Variants in TBCD observed in about 807,000 individuals in gnomAD.
TBCD encodes tubulin folding cofactor D, also known as tubulin-specific chaperone D.
In TBCD, 105 loss-of-function variants were observed where a neutral mutation model predicts 169.3. The observed-to-expected ratio is 0.62, with a 90% CI of 0.53 to 0.73. The LOEUF is 0.73. Among genes scored for constraint, TBCD ranks in the 30% least tolerant of loss-of-function variants. The pLI, the probability that TBCD is intolerant of heterozygous loss-of-function variation, is 0.00. For missense variants in TBCD, 1,444 were observed against 1,600.1 expected, an observed-to-expected ratio of 0.90 and a Z score of 1.66; for synonymous variants, 700 against 643.9, an observed-to-expected ratio of 1.09 and a Z score of -1.32.
rs752193291 is a variant in TBCD, at chr17:82,923,488, C to G, written c.2179-164C>G. 6.6e-6 allele frequency among the ~76,000 whole-genome samples: 1 copy of G among 151,734 alleles called. No individual in the cohort carries two copies. The highest frequency in any genetic ancestry group is 1.5e-5 in the Non-Finnish European group (1 of 67,930). The stretch of plus-strand genomic sequence containing the variant: ...GCCGGGTGCTTCTCCAACCTCAGGG[C>G]GACCCGCTGGGTCCCTGGTCAGGCA... On this transcript the variant is annotated intron_variant, in intron 25 of 38. Transcript: ENST00000355528. The surrounding 1 kb of genome is among the most constrained non-coding windows in gnomAD (Gnocchi z 4.6).
chr17:82,935,912 T>G (rs1007380580), intron 34 of TBCD, among the ~76,000 whole-genome samples: 3 of 152,274 alleles, frequency 2.0e-5, no homozygotes, highest in African/African-American at 7.2e-5. Context: ...TGGGGTCTGC[T>G]GCGGTGAAGC....
In TBCD at chr17:82,906,418, G is replaced by C. The variant is rs151169272; in HGVS notation, c.1922+365G>C. 2.2e-4 allele frequency among the ~76,000 whole-genome samples: 34 copies of C among 152,376 alleles called. No individual in the cohort carries two copies. The East Asian group carries it at 5.8e-3, about 26-fold the overall frequency. The stretch of plus-strand genomic sequence containing the variant: ...TTTCCAAGACGGCATTGAGCGACTT[G>C]CATGTTCAGTATCCTTTCTTCATCA... On this transcript the variant is annotated intron_variant, in intron 20 of 38. Transcript: ENST00000355528.
At position 82,809,594 on chromosome 17, in the gene TBCD, T is replaced by G. The variant is rs182639650; in HGVS notation, c.1149-114T>G. On this transcript the variant is annotated intron_variant, in intron 11 of 38. Transcript: ENST00000355528. ...GCGGGCTTGCCTGGAGTTGGCCTCT[T>G]CTCTCCTGGTCTCTGGAGGAAAGGA... 10,988 of 1,179,894 alleles carry G rather than the reference T, an allele frequency of 9.3e-3. 68 individuals carry two copies. Among genetic ancestry groups the G allele is most frequent in the Non-Finnish European group, 0.012 (10,139 of 824,316 alleles). 73.1% of individuals were successfully genotyped at this position (1,179,894 alleles called of 1,614,324 possible).
Position 82,930,253 on chromosome 17 carries a change from C to T in TBCD, c.2992-269C>T, listed in dbSNP as rs895616857. ...GTGAGCGAAACCCAAGGTGAGTGGCCGCAGCCTTTCGTCACGTGCTCTCCC... is the reference window on the plus strand; with the variant it reads ...GTGAGCGAAACCCAAGGTGAGTGGCTGCAGCCTTTCGTCACGTGCTCTCCC... On this transcript the variant is annotated intron_variant, in intron 32 of 38. Coordinates refer to ENST00000355528, the MANE Select transcript of TBCD (RefSeq NM_005993.5). The surrounding 1 kb of genome is among the most constrained non-coding windows in gnomAD (Gnocchi z 5.2). 11 of 479,194 alleles carry T rather than the reference C, an allele frequency of 2.3e-5. No individual in the cohort carries two copies. The highest frequency in any genetic ancestry group is 1.6e-4 in the African/African-American group (8 of 50,102). 29.7% of individuals were successfully genotyped at this position (479,194 alleles called of 1,614,324 possible).
At chr17:82,812,432 C>T (rs776864512) in intron 12 of TBCD, among the ~76,000 whole-genome samples, 7 of 152,080 alleles carry the variant, frequency 4.6e-5, no homozygotes, top group Non-Finnish European at 8.8e-5. Context: ...AAAGTCAAAC[C>T]AAAGGGAAGA....
At position 82,835,415 on chromosome 17, in the gene TBCD, A is replaced by G. The variant is rs867713787; in HGVS notation, c.1318+20481A>G. 1.3e-5 allele frequency among the ~76,000 whole-genome samples: 2 copies of G among 149,448 alleles called. No homozygotes were observed. The highest frequency in any genetic ancestry group is 3.0e-5 in the Non-Finnish European group (2 of 66,706). On this transcript the variant is annotated intron_variant, in intron 13 of 38. Coordinates refer to ENST00000355528, the MANE Select transcript of TBCD (RefSeq NM_005993.5). The surrounding 1 kb of genome is among the most constrained non-coding windows in gnomAD (Gnocchi z 4.5). The stretch of plus-strand genomic sequence containing the variant: ...AACTGGTTTCTCTACTGATTTATTC[A>G]TATTTCTTTCTTTCTTTCTTTTTTG...
chr17:82,768,377 A>T lies in TBCD; in HGVS notation c.436-43A>T, dbSNP rs760072970. On this transcript the variant is annotated intron_variant, in intron 4 of 38. Transcript: ENST00000355528. ...AGTAGATTGTGGCCAGTGGCCTGTG[A>T]TTTTCAAGCAAGACTCATTCTTCCC... The T allele has an allele frequency of 3.1e-6, 5 of 1,610,804 alleles. No homozygotes were observed. The East Asian group carries it at 1.1e-4, about 36-fold the overall frequency.
chr17:82,918,344 C>T (rs1477671551), intron 23 of TBCD: 2 of 152,250 alleles, frequency 1.3e-5, no homozygotes, highest in Non-Finnish European at 2.9e-5. Context: ...TGCATTCTCA[C>T]CCTGCCCCCC....
Position 82,938,029 on chromosome 17 carries a change from C to T in TBCD, c.3282-20C>T. 6.2e-7 allele frequency: 1 copy of T among 1,612,520 alleles called. No individual in the cohort carries two copies. On this transcript the variant is annotated intron_variant, in intron 35 of 38. Transcript: ENST00000355528. Reference sequence around the variant, plus strand: ...TGCGCGGGGTGGGGCTCACCTGGAGCCATGTGCTGCTCCCGGCAGGTTCTG... The same window carrying T: ...TGCGCGGGGTGGGGCTCACCTGGAGTCATGTGCTGCTCCCGGCAGGTTCTG...
chr17:82,771,934 AAC>A (rs2048332419), intron 5 of TBCD, among the ~76,000 whole-genome samples: 1 of 152,070 alleles, frequency 6.6e-6, no homozygotes, highest in South Asian at 2.1e-4. Flanking sequence ...AAAAAAAAAA[AAC>A]AAAAACAAAA....
intron 9 of TBCD, among the ~76,000 whole-genome samples, chr17:82,802,774 A>T (rs930161680): frequency 2.0e-5 from 3 of 151,582 alleles, no homozygotes; most frequent in African/African-American, 7.3e-5. Context: ...ACAGATTCAC[A>T]TGCTGGTCCA....
chr17:82,904,153 A>G (rs1162532027), intron 19 of TBCD, among the ~76,000 whole-genome samples: 1 of 146,734 alleles, frequency 6.8e-6, no homozygotes. Flanking sequence ...CTTGGTCTCT[A>G]GGTGGCTTCC....
At chr17:82,925,699 C>CAT (rs1260487222) in intron 27 of TBCD, among the ~76,000 whole-genome samples, 1 of 152,196 alleles carries the variant, frequency 6.6e-6, no homozygotes, top group Non-Finnish European at 1.5e-5. Context: ...TCGCAGCCGC[C>CAT]ATGCCATCTA....
chr17:82,930,213 G>A lies in TBCD; in HGVS notation c.2992-309G>A, dbSNP rs564356955. ...GGAATTGCGGGGATTATCAAATCCC[G>A]CTTCAGTGGGAAACGTGAGCGAAAC... On this transcript the variant is annotated intron_variant, in intron 32 of 38. Coordinates refer to ENST00000355528, the MANE Select transcript of TBCD (RefSeq NM_005993.5). The surrounding 1 kb of genome is among the most constrained non-coding windows in gnomAD (Gnocchi z 5.2). 2.4e-4 allele frequency: 95 copies of A among 390,030 alleles called. No individual in the cohort carries two copies. The highest frequency in any genetic ancestry group is 1.4e-3 in the African/African-American group (68 of 48,148). The allele number at this position is 390,030 out of a possible 1,614,324, so 24.2% of individuals were successfully genotyped here.
In TBCD at chr17:82,757,638, C is replaced by CA. The variant is rs1170225358; in HGVS notation, c.235+1431dup. On this transcript the variant is annotated intron_variant, in intron 2 of 38. Transcript: ENST00000355528. ...CTTCATCTCAAAAAAAAAAAAAAAC[C>CA]AAAAAAAACCCTCTAAATTCGGGAT... 2.4e-4 allele frequency among the ~76,000 whole-genome samples: 35 copies of CA among 144,146 alleles called. No individual in the cohort carries two copies. The East Asian group carries it at 5.9e-3, about 24-fold the overall frequency. 94.6% of individuals were successfully genotyped at this position (144,146 alleles called of 152,430 possible).
intron 14 of TBCD, among the ~76,000 whole-genome samples, chr17:82,879,776 G>C (rs1029850262): frequency 6.6e-6 from 1 of 152,236 alleles, no homozygotes; most frequent in Non-Finnish European, 1.5e-5. Flanking sequence ...TTTTGGTCCT[G>C]ATAGTTTACC....
At chr17:82,800,270 C>G (rs2050409590) in intron 8 of TBCD, among the ~76,000 whole-genome samples, 1 of 152,214 alleles carries the variant, frequency 6.6e-6, no homozygotes, top group Non-Finnish European at 1.5e-5. Context: ...CCGGGCGTCT[C>G]CTGCTCGCAG....
At chr17:82,813,522 G>A (rs2051621179) in intron 12 of TBCD, among the ~76,000 whole-genome samples, 2 of 152,152 alleles carry the variant, frequency 1.3e-5, no homozygotes, top group South Asian at 4.1e-4. Flanking sequence ...TGGACGGACG[G>A]CATCCCCTGG....
chr17:82,891,282 T>A (rs2059119317), intron 16 of TBCD, among the ~76,000 whole-genome samples: 1 of 152,226 alleles, frequency 6.6e-6, no homozygotes, highest in Non-Finnish European at 1.5e-5. Flanking sequence ...GAAAGGCCTT[T>A]ACACTTGGTC....
Sources: gnomAD v4.1 joint callset for allele counts (sites outside exome capture counted in the v4.1 genomes callset) on GRCh38, gnomAD v4.1.1 for gene constraint, Gnocchi (gnomAD v3.1) non-coding constraint, MANE v1.5 for transcripts, NCBI Gene and HGNC (gene_info 2026-07-23, HGNC 2026-07-21) for gene names.